Variants in SLIT3 observed in about 807,000 individuals in gnomAD.
The protein encoded by SLIT3 is slit guidance ligand 3.
SLIT3 carries 68 observed loss-of-function variants against 184.0 expected under a neutral mutation model. The observed-to-expected ratio is 0.37, with a 90% CI of 0.30 to 0.45. The LOEUF is 0.45. Among genes scored for constraint, SLIT3 ranks in the 20% least tolerant of loss-of-function variants. The pLI, the probability that SLIT3 is intolerant of heterozygous loss-of-function variation, is 1.00. For missense variants in SLIT3, 1,707 were observed against 2,026.0 expected (o/e 0.84, Z 3.02); for synonymous variants, 831 against 828.6 (o/e 1.00, Z -0.05).
intron 14 of SLIT3, among the ~76,000 whole-genome samples, chr5:168,770,109 G>A (rs1210225845): frequency 6.6e-5 from 10 of 152,196 alleles, no homozygotes; most frequent in Non-Finnish European, 1.3e-4. Context: ...CCAGGGATGG[G>A]CTTGGGGTCC....
In SLIT3 at chr5:168,838,123, G is replaced by A. The variant is rs531979759; in HGVS notation, c.557+6461C>T. 2.6e-5 allele frequency among the ~76,000 whole-genome samples: 4 copies of A among 152,300 alleles called. No individual in the cohort carries two copies. The East Asian group carries it at 5.8e-4, about 22-fold the overall frequency. Reference sequence around the variant, plus strand: ...AATGATCTCACTAGTGCATATAATTGTTTCTATGTATGTGTGTTCCGGTAG... The same window carrying A: ...AATGATCTCACTAGTGCATATAATTATTTCTATGTATGTGTGTTCCGGTAG... On this transcript the variant is annotated intron_variant, in intron 6 of 35. Coordinates refer to ENST00000519560, the MANE Select transcript of SLIT3 (RefSeq NM_003062.4).
intron 6 of SLIT3, 79 bp downstream of exon 6, chr5:168,844,504 CT>C (rs1404579625): frequency 7.6e-6 from 10 of 1,315,172 alleles, no homozygotes; most frequent in East Asian, 2.3e-5. Flanking sequence ...CACTCTCCCC[CT>C]CTCTCCTCCC....
At chr5:168,768,279 T>C (rs565864394) in intron 14 of SLIT3, 17 of 488,282 alleles carry the variant, frequency 3.5e-5, no homozygotes, top group African/African-American at 3.1e-4. Flanking sequence ...GGAAGCAGCG[T>C]CAGAGAGAGG....
intron 1 of SLIT3, among the ~76,000 whole-genome samples, chr5:169,264,424 C>T (rs1403466544): frequency 6.6e-6 from 1 of 152,132 alleles, no homozygotes; most frequent in Non-Finnish European, 1.5e-5. Context: ...ACCTCAAACC[C>T]ACCTCAGCCT....
intron 4 of SLIT3, among the ~76,000 whole-genome samples, chr5:169,037,330 G>A (rs553308476): frequency 1.1e-4 from 16 of 152,306 alleles, no homozygotes; most frequent in African/African-American, 2.6e-4. Context: ...TAGGTTTACT[G>A]GCCCATAGCT....
intron 4 of SLIT3, among the ~76,000 whole-genome samples, chr5:169,171,294 C>T (rs985590077): frequency 1.3e-5 from 2 of 152,202 alleles, no homozygotes; most frequent in Non-Finnish European, 2.9e-5. Context: ...AACCCTCACT[C>T]TTAAGAACCA....
chr5:169,191,894 C>T (rs1763562574), intron 4 of SLIT3, among the ~76,000 whole-genome samples: 2 of 152,168 alleles, frequency 1.3e-5, no homozygotes, highest in South Asian at 4.2e-4. Flanking sequence ...CACATAAAGT[C>T]GTCCAGCATT....
chr5:169,025,609 C>A (rs1756787924), intron 4 of SLIT3, among the ~76,000 whole-genome samples: 1 of 152,176 alleles, frequency 6.6e-6, no homozygotes, highest in Admixed American at 6.5e-5. Flanking sequence ...GATCTCTGTG[C>A]TGTAAGGAAA....
At chr5:168,720,118 G>A (rs1157410091) in intron 23 of SLIT3, 2 of 152,048 alleles carry the variant, frequency 1.3e-5, no homozygotes, top group East Asian at 1.9e-4. Flanking sequence ...GTTTCACTAT[G>A]TTGCCCAGGC....
intron 4 of SLIT3, among the ~76,000 whole-genome samples, chr5:169,005,692 C>T (rs142564052): frequency 4.7e-4 from 71 of 152,300 alleles, no homozygotes; most frequent in Admixed American, 1.2e-3. Flanking sequence ...TTCATTCATT[C>T]GACAAATATT....
At chr5:168,727,311 C>T (rs528988438) in intron 20 of SLIT3, among the ~76,000 whole-genome samples, 189 of 151,948 alleles carry the variant, frequency 1.2e-3, no homozygotes, top group South Asian at 2.1e-3. Flanking sequence ...CACAGTGAGA[C>T]TCCGTCTCAA....
At chr5:169,152,351 C>T (rs1438465552) in intron 4 of SLIT3, among the ~76,000 whole-genome samples, 3 of 152,232 alleles carry the variant, frequency 2.0e-5, no homozygotes, top group African/African-American at 4.8e-5. Flanking sequence ...AGGGGAGACT[C>T]GAACCTGCTG....
chr5:169,073,639 T>C (rs1758631256), intron 4 of SLIT3, among the ~76,000 whole-genome samples: 1 of 152,062 alleles, frequency 6.6e-6, no homozygotes, highest in Non-Finnish European at 1.5e-5. Context: ...AATGTCTTGG[T>C]GCTATTCCCA....
chr5:169,051,139 T>A (rs1352905768), intron 4 of SLIT3, among the ~76,000 whole-genome samples: 1 of 152,194 alleles, frequency 6.6e-6, no homozygotes, highest in Non-Finnish European at 1.5e-5. Context: ...GTAGACTTTG[T>A]GGGTCCTTCA....
chr5:168,848,067 T>C (rs1414592937), intron 5 of SLIT3, among the ~76,000 whole-genome samples: 1 of 152,230 alleles, frequency 6.6e-6, no homozygotes, highest in Non-Finnish European at 1.5e-5. Flanking sequence ...AAGAAGTGTA[T>C]TTCCCACAGC....
At chr5:168,738,699 G>A (rs1763515040) in intron 20 of SLIT3, among the ~76,000 whole-genome samples, 1 of 152,182 alleles carries the variant, frequency 6.6e-6, no homozygotes, top group Admixed American at 6.5e-5. Flanking sequence ...AGCACTTTGG[G>A]AGGCCGAGGC....
rs574666998 is a variant in SLIT3 at position 169,088,302 on chromosome 5, A to T, written c.413+105177T>A. Among the ~76,000 whole-genome samples the T allele has an allele frequency of 2.6e-5, 4 of 152,250 alleles. No homozygotes were observed. The South Asian group carries it at 8.3e-4, about 32-fold the overall frequency. ...GGTGGTTCACGGTGTTTCAGAAGAC[A>T]CAGCACGTATTACAAAGGGTCCATC... On this transcript the variant is annotated intron_variant, in intron 4 of 35. Transcript: ENST00000519560.
At chr5:168,782,858 G>C (rs1756021938) in intron 12 of SLIT3, among the ~76,000 whole-genome samples, 1 of 152,130 alleles carries the variant, frequency 6.6e-6, no homozygotes, top group Non-Finnish European at 1.5e-5. Flanking sequence ...ATAAATGCGT[G>C]TTTATACAAT....
At chr5:168,971,534 A>C (rs1291354463) in intron 4 of SLIT3, among the ~76,000 whole-genome samples, 1 of 152,204 alleles carries the variant, frequency 6.6e-6, no homozygotes, top group Non-Finnish European at 1.5e-5. Flanking sequence ...CCAATCCCGA[A>C]ACAGACTTCA....
Sources: gnomAD v4.1 joint callset for allele counts (sites outside exome capture counted in the v4.1 genomes callset) on GRCh38, gnomAD v4.1.1 for gene constraint, MANE v1.5 for transcripts, NCBI Gene and HGNC (gene_info 2026-07-23, HGNC 2026-07-21) for gene names.